LINGO2: variants seen among roughly 807,000 people sequenced by gnomAD.
LINGO2 encodes leucine rich repeat and Ig domain containing 2, also known as leucine-rich repeat and immunoglobulin-like domain-containing nogo receptor-interacting protein 2.
LINGO2 carries 14 observed loss-of-function variants against 30.6 expected under a neutral mutation model. The ratio of observed to expected loss-of-function variants is 0.46; its 90% CI spans 0.30 to 0.72. LINGO2 has a LOEUF of 0.72. Ranked by LOEUF, LINGO2 falls within the 30% of genes least tolerant of loss-of-function variation. The pLI is 0.07. For missense variants in LINGO2, 729 were observed against 751.7 expected (o/e 0.97, Z 0.35); for synonymous variants, 317 against 288.5 (o/e 1.10, Z -1.00).
chr9:28,097,873 T>A (rs5008958), intron 4 of LINGO2, among the ~76,000 whole-genome samples: 143,229 of 152,056 alleles, frequency 0.94, 67,502 homozygotes, highest in South Asian at 0.99. Flanking sequence ...CACAACCTCT[T>A]AAAAAAAATT....
intron 5 of LINGO2, among the ~76,000 whole-genome samples, chr9:28,003,338 G>T (rs908393997): frequency 5.2e-5 from 7 of 133,970 alleles, no homozygotes; most frequent in South Asian, 4.9e-4. Context: ...TAGATATATA[G>T]ATATATAGAT....
chr9:29,040,668 T>C, the LINGO2 span, among the ~76,000 whole-genome samples: 22 of 151,930 alleles, frequency 1.4e-4, no homozygotes, highest in African/African-American at 4.8e-4. Context: ...TAAAATGGCA[T>C]CCACCCATTT....
chr9:29,187,780 ATTTTTTTT>A, the LINGO2 span, among the ~76,000 whole-genome samples: 5 of 118,848 alleles, frequency 4.2e-5, no homozygotes, highest in Admixed American at 2.9e-4. Flanking sequence ...ATACATTTCA[ATTTTTTTT>A]TTTTTTTTTT....
At chr9:29,040,392 A>G in the LINGO2 span, among the ~76,000 whole-genome samples, 6 of 152,030 alleles carry the variant, frequency 3.9e-5, no homozygotes, top group Admixed American at 1.3e-4. Flanking sequence ...AATTTTTATA[A>G]GTTTACAATA....
At chr9:29,152,676 C>T in the LINGO2 span, among the ~76,000 whole-genome samples, 1 of 152,144 alleles carries the variant, frequency 6.6e-6, no homozygotes, top group Non-Finnish European at 1.5e-5. Context: ...GGCTGAAAAA[C>T]TACCTGTTGC....
At chr9:28,695,172 A>T in the LINGO2 span, among the ~76,000 whole-genome samples, 1 of 151,950 alleles carries the variant, frequency 6.6e-6, no homozygotes, top group East Asian at 1.9e-4. Flanking sequence ...GGCTTAGCTC[A>T]GGCCAAACCC....
At chr9:28,109,824 A>G (rs1309371055) in intron 4 of LINGO2, among the ~76,000 whole-genome samples, 1 of 152,186 alleles carries the variant, frequency 6.6e-6, no homozygotes, top group African/African-American at 2.4e-5. Flanking sequence ...TGCCAAAGTA[A>G]TTTATAGATT....
exon 6 of LINGO2, chr9:27,949,882 C>T (rs148104069): frequency 6.2e-7 from 1 of 1,613,778 alleles, no homozygotes; most frequent in African/African-American, 1.3e-5. Flanking sequence ...AGGAAGGGTA[C>T]AGTAGACAGA....
rs1825351673 is a variant in LINGO2, at chr9:28,329,660, C to T, written c.-245-34294G>A. Among the ~76,000 whole-genome samples, 1 of 152,084 alleles carries T rather than the reference C, an allele frequency of 6.6e-6. No individual in the cohort carries two copies. The highest frequency in any genetic ancestry group is 2.4e-5 in the African/African-American group (1 of 41,424). On this transcript the variant is annotated intron_variant, in intron 3 of 5. Transcript: ENST00000379992. The surrounding 1 kb of genome is among the most constrained non-coding windows in gnomAD (Gnocchi z 4.5). ...GGAATAGTTTCCTTCCCACTCTCCC[C>T]TTCTTTCACTCATTTACCACTGCAA...
chr9:28,367,689 C>T (rs1820730837), intron 3 of LINGO2, among the ~76,000 whole-genome samples: 1 of 151,962 alleles, frequency 6.6e-6, no homozygotes, highest in Non-Finnish European at 1.5e-5. Flanking sequence ...GTGTACTCTT[C>T]TGTCTCTTCT....
chr9:29,003,263 C>T, the LINGO2 span, among the ~76,000 whole-genome samples: 2 of 151,910 alleles, frequency 1.3e-5, no homozygotes, highest in Non-Finnish European at 2.9e-5. Flanking sequence ...GTTACAGCAG[C>T]CCTAGGAAAC....
chr9:29,077,098 T>C, the LINGO2 span, among the ~76,000 whole-genome samples: 1 of 152,076 alleles, frequency 6.6e-6, no homozygotes, highest in East Asian at 1.9e-4. Context: ...CCAAGGAAAG[T>C]ATTTTATATC....
chr9:29,115,092 T>A, the LINGO2 span, among the ~76,000 whole-genome samples: 2 of 152,064 alleles, frequency 1.3e-5, no homozygotes, highest in African/African-American at 4.8e-5. Flanking sequence ...CCAACCTGAG[T>A]TAACATTCAA....
chr9:28,590,728 A>G (rs1824850111), intron 1 of LINGO2, among the ~76,000 whole-genome samples: 1 of 152,184 alleles, frequency 6.6e-6, no homozygotes, highest in South Asian at 2.1e-4. Flanking sequence ...AACTAGTTCA[A>G]CCACTGTGGA....
rs58629857 is a variant in LINGO2 at position 28,526,055 on chromosome 9, C to CAAAAAAAAAAAAAAAA, written c.-364-50046_-364-50031dup. 2.4e-3 allele frequency among the ~76,000 whole-genome samples: 118 copies of CAAAAAAAAAAAAAAAA among 48,486 alleles called. 12 individuals are homozygous for CAAAAAAAAAAAAAAAA. Among genetic ancestry groups the CAAAAAAAAAAAAAAAA allele is most frequent in the Non-Finnish European group, 3.5e-3 (95 of 27,256 alleles). The allele number at this position is 48,486 out of a possible 152,430, so 31.8% of individuals were successfully genotyped here. On this transcript the variant is annotated intron_variant, in intron 1 of 5. Transcript: ENST00000379992. ...TGGGTGACAGAGCGAGACTCCGTCT[C>CAAAAAAAAAAAAAAAA]AAAAAAAAAAAAAAAAAAAAAGCCA...
chr9:28,099,461 ATCT>A (rs1563974130), intron 4 of LINGO2, among the ~76,000 whole-genome samples: 1 of 152,132 alleles, frequency 6.6e-6, no homozygotes, highest in Non-Finnish European at 1.5e-5. Context: ...CTTAGGCTTC[ATCT>A]TCTCCCTTTT....
At chr9:28,092,372 A>C (rs889390540) in intron 4 of LINGO2, among the ~76,000 whole-genome samples, 31 of 152,222 alleles carry the variant, frequency 2.0e-4, no homozygotes, top group African/African-American at 7.2e-4. Flanking sequence ...AGCCATAAAA[A>C]ATGATGAGTT....
intron 5 of LINGO2, among the ~76,000 whole-genome samples, chr9:27,966,911 A>G (rs144614479): frequency 0.012 from 1,833 of 152,210 alleles, 41 homozygotes; most frequent in African/African-American, 0.041. Context: ...TACTTGGGAA[A>G]TATCAACTGG....
chr9:28,902,592 C>A, the LINGO2 span, among the ~76,000 whole-genome samples: 1 of 151,984 alleles, frequency 6.6e-6, no homozygotes, highest in African/African-American at 2.4e-5. Flanking sequence ...ATGTTCTTCT[C>A]AAATAAACAC....
Sources: allele counts gnomAD v4.1 joint callset (sites outside exome capture counted in the v4.1 genomes callset), GRCh38; gene constraint gnomAD v4.1.1; non-coding constraint Gnocchi (gnomAD v3.1); transcripts MANE v1.5; gene names NCBI Gene and HGNC (gene_info 2026-07-23, HGNC 2026-07-21).